SERPINA1: variants seen among roughly 807,000 people sequenced by gnomAD.
SERPINA1 encodes serpin family A member 1.
SERPINA1 carries 21 observed loss-of-function variants against 25.4 expected under a neutral mutation model. The ratio of observed to expected loss-of-function variants is 0.83; its 90% CI spans 0.59 to 1.19. The LOEUF (loss-of-function observed/expected upper bound fraction) is 1.19, where lower values mean the gene tolerates loss of function less well. Ranked by LOEUF, SERPINA1 falls within the 50% of genes most tolerant of loss-of-function variation. The probability of loss-of-function intolerance (pLI) is 0.00; values close to 1 mark genes in which losing one functional copy is unlikely to be tolerated. For synonymous variants in SERPINA1, 218 were observed against 211.1 expected (o/e 1.03, Z -0.29); for missense variants, 546 against 509.0 (o/e 1.07, Z -0.70).
upstream of SERPINA1, among the ~76,000 whole-genome samples, chr14:94,389,207 T>C (rs1897515367): frequency 2.0e-5 from 3 of 151,928 alleles, no homozygotes; most frequent in Non-Finnish European, 4.4e-5. Flanking sequence ...AGGGTAGAGG[T>C]GGGGAAGCAC....
At chr14:94,381,216 T>C (rs1265093702) in intron 2 of SERPINA1, 75 bp from the exon 3 acceptor site, 1 of 1,470,168 alleles carries the variant, frequency 6.8e-7, no homozygotes, top group African/African-American at 1.4e-5. Flanking sequence ...AAAGAAACCA[T>C]GAGTCCCCTC....
chr14:94,389,886 G>C (rs1166446859), upstream of SERPINA1: 1 of 152,210 alleles, frequency 6.6e-6, no homozygotes, highest in Admixed American at 6.5e-5. Context: ...TAACCGCTCC[G>C]AGCCTCAATT....
chr14:94,387,879 C>T (rs1168789704), intron 1 of SERPINA1, among the ~76,000 whole-genome samples: 27 of 152,048 alleles, frequency 1.8e-4, no homozygotes, highest in Admixed American at 1.4e-3. Flanking sequence ...TGGTGCAGAG[C>T]GATTATTCAG....
intron 2 of SERPINA1, among the ~76,000 whole-genome samples, chr14:94,381,552 A>G (rs1896917531): frequency 6.6e-6 from 1 of 152,216 alleles, no homozygotes; most frequent in Admixed American, 6.5e-5. Flanking sequence ...TTATTCATCC[A>G]GGGCAAACAT....
intron 2 of SERPINA1, 107 bp from the exon 3 acceptor site, chr14:94,381,248 T>A: frequency 9.0e-7 from 1 of 1,108,914 alleles, no homozygotes. Flanking sequence ...CTGAGCCCCC[T>A]TGACGACACA....
rs906767292 is a variant in SERPINA1, at chr14:94,378,151, A to C, written c.*298T>G. 4.2e-6 allele frequency: 2 copies of C among 476,768 alleles called. No individual in the cohort carries two copies. The highest frequency in any genetic ancestry group is 7.6e-6 in the Non-Finnish European group (2 of 262,906). The allele number at this position is 476,768 out of a possible 1,614,324, so 29.5% of individuals were successfully genotyped here. ...GGGACTCCAAGACAGGACAAGGAAG[A>C]CTGGAGCCCTCCAGAAACAGATGGG... On this transcript the variant is annotated 3_prime_UTR_variant, in exon 5 of 5. Coordinates refer to ENST00000393087, the MANE Select transcript of SERPINA1 (RefSeq NM_000295.5).
chr14:94,384,783 A>T (rs867902595), intron 1 of SERPINA1, among the ~76,000 whole-genome samples: 4 of 152,214 alleles, frequency 2.6e-5, no homozygotes, highest in African/African-American at 9.7e-5. Flanking sequence ...TGGAGAAAAA[A>T]AGCTGGAAAT....
In SERPINA1 at chr14:94,382,803, G is replaced by A. The variant is rs11558263; in HGVS notation, c.435C>T (p.Ser145=). The A allele has an allele frequency of 5.6e-6, 9 of 1,614,214 alleles. No homozygotes were observed. The East Asian group carries it at 6.7e-5, about 12-fold the overall frequency. ...QLTTGNGLFL[S]EGLKLVDKFL... ...ACTTATCCACTAGCTTCAGGCCCTC[G>A]CTGAGGAACAGGCCATTGCCGGTGG... Residue 145 remains serine, a synonymous_variant, in exon 2 of 5, where the codon AGC becomes AGT. Transcript: ENST00000393087.
intron 2 of SERPINA1, among the ~76,000 whole-genome samples, chr14:94,381,621 T>C (rs887705495): frequency 6.6e-6 from 1 of 152,220 alleles, no homozygotes; most frequent in Non-Finnish European, 1.5e-5. Flanking sequence ...GAAATGCAGA[T>C]GCCTGAGCAG....
At chr14:94,383,348 C>T in intron 1 of SERPINA1, 107 bp from the exon 2 acceptor site, 1 of 1,235,344 alleles carries the variant, frequency 8.1e-7, no homozygotes, top group Non-Finnish European at 1.1e-6. Flanking sequence ...ATTAAACCAG[C>T]CTGTGCCAAG....
Position 94,379,601 on chromosome 14 carries a change from A to C in SERPINA1, c.928T>G (p.Leu310Val). The C allele has an allele frequency of 6.2e-7, 1 of 1,613,548 alleles. No homozygotes were observed. The highest frequency in any genetic ancestry group is 2.2e-5 in the East Asian group (1 of 44,852). ...GTAATGGACAGTTTGGGTAAATGTA[A>C]GCTGGCAGACCTGTCGTGCAGAAAA... ...LENEDRRSASLHLPKLSITGT... is the reference protein window; with the variant it reads ...LENEDRRSASVHLPKLSITGT... Residue 310 changes from leucine to valine, a missense_variant, in exon 4 of 5, where the codon TTA (leucine) becomes GTA (valine). Leu to Val is a conservative substitution (Grantham distance 32). Coordinates refer to ENST00000393087, the MANE Select transcript of SERPINA1 (RefSeq NM_000295.5).
chr14:94,384,672 T>C (rs912268501), intron 1 of SERPINA1, among the ~76,000 whole-genome samples: 1 of 152,180 alleles, frequency 6.6e-6, no homozygotes, highest in Non-Finnish European at 1.5e-5. Context: ...GAGGAGAATA[T>C]GCCCGGCAGC....
intron 3 of SERPINA1, 128 bp downstream of exon 3, chr14:94,380,743 G>T: frequency 8.2e-7 from 1 of 1,217,614 alleles, no homozygotes; most frequent in Non-Finnish European, 1.2e-6. Flanking sequence ...AGTTTATACA[G>T]AGTAGCAGTG....
Position 94,383,057 on chromosome 14 carries a change from G to A in SERPINA1, c.181C>T (p.Leu61=), listed in dbSNP as rs1355253593. ...GACTGGTGTGCCAGCTGGCGGTATAGGCTGAAGGCGAACTCAGCCAGGTTG... is the reference window on the plus strand; with the variant it reads ...GACTGGTGTGCCAGCTGGCGGTATAAGCTGAAGGCGAACTCAGCCAGGTTG... ...TPNLAEFAFS[L]YRQLAHQSNS... is the part of the protein sequence containing the mutation. Residue 61 remains leucine (L), a synonymous_variant, in exon 2 of 5, where the codon CTA becomes TTA. Transcript: ENST00000393087. The A allele has an allele frequency of 6.2e-7, 1 of 1,613,962 alleles. No individual in the cohort carries two copies. The highest frequency in any genetic ancestry group is 8.5e-7 in the Non-Finnish European group (1 of 1,179,908).
At chr14:94,378,698 C>T in intron 4 of SERPINA1, 58 bp from the exon 5 acceptor site, 1 of 1,586,542 alleles carries the variant, frequency 6.3e-7, no homozygotes, top group Admixed American at 1.7e-5. Flanking sequence ...TCGAGCAAGG[C>T]TCACGTGGAC....
Position 94,384,617 on chromosome 14 carries a change from G to A in SERPINA1, c.-4-1376C>T, listed in dbSNP as rs539144817. ...GGACCACCAGCCTGCAGCCCCCTAGGTAGAACCTGCCGTCTTCACAGATGG... is the reference window on the plus strand; with the variant it reads ...GGACCACCAGCCTGCAGCCCCCTAGATAGAACCTGCCGTCTTCACAGATGG... On this transcript the variant is annotated intron_variant, in intron 1 of 4. Transcript: ENST00000393087. Among the ~76,000 whole-genome samples the A allele has an allele frequency of 5.9e-5, 9 of 152,286 alleles. No individual in the cohort carries two copies. In the South Asian group the frequency reaches 1.9e-3, roughly 32 times the overall value.
chr14:94,388,296 C>T (rs974712288), intron 1 of SERPINA1, among the ~76,000 whole-genome samples: 5 of 152,186 alleles, frequency 3.3e-5, no homozygotes, highest in South Asian at 2.1e-4. Context: ...TAGACACCCT[C>T]ATCCACTTCT....
At chr14:94,379,733 C>G in intron 3 of SERPINA1, 122 bp from the exon 4 acceptor site, 2 of 1,348,082 alleles carry the variant, frequency 1.5e-6, no homozygotes, top group Admixed American at 1.8e-5. Context: ...TGTCCTCCAC[C>G]CACACTAAGA....
Position 94,385,559 on chromosome 14 carries a change from C to T in SERPINA1, c.-4-2318G>A, listed in dbSNP as rs532703454. Among the ~76,000 whole-genome samples the T allele has an allele frequency of 3.3e-5, 5 of 152,354 alleles. No individual in the cohort carries two copies. The East Asian group carries it at 9.7e-4, about 29-fold the overall frequency. On this transcript the variant is annotated intron_variant, in intron 1 of 4. Transcript: ENST00000393087. ...GGCCAGGCAGGTCTTGAACTCCTGA[C>T]CTCTTGATCCGCCTGCCTTGGCCTC...
Sources: gnomAD v4.1 joint callset for allele counts (sites outside exome capture counted in the v4.1 genomes callset) on GRCh38, gnomAD v4.1.1 for gene constraint, MANE v1.5 for transcripts, NCBI Gene and HGNC (gene_info 2026-07-23, HGNC 2026-07-21) for gene names.